SERGEF: variants seen among roughly 807,000 people sequenced by gnomAD.
SERGEF encodes secretion-regulating guanine nucleotide exchange factor.
A neutral mutation model predicts 50.0 loss-of-function variants in SERGEF; 51 were observed. The ratio of observed to expected loss-of-function variants is 1.02; its 90% CI spans 0.81 to 1.29. The LOEUF is 1.29. SERGEF is among the 50% of genes most tolerant of loss of function. The probability of loss-of-function intolerance (pLI) is 0.00; values close to 1 mark genes in which losing one functional copy is unlikely to be tolerated. For synonymous variants in SERGEF, 205 were observed against 212.4 expected (o/e 0.97, Z 0.30); for missense variants, 521 against 557.0 (o/e 0.94, Z 0.65).
At chr11:17,827,821 G>A (rs2158396) in intron 10 of SERGEF, among the ~76,000 whole-genome samples, 77,955 of 152,054 alleles carry the variant, frequency 0.51, 20,542 homozygotes, top group East Asian at 0.85. Flanking sequence ...CACTGAATCT[G>A]TATTTTTCCC....
chr11:17,996,026 T>G, intron 5 of SERGEF, 117 bp from the exon 6 acceptor site: 1 of 734,748 alleles, frequency 1.4e-6, no homozygotes, highest in Non-Finnish European at 2.3e-6. Context: ...AATATGAGTG[T>G]TATGGAGAAG....
chr11:17,834,015 T>A (rs998803995), intron 10 of SERGEF, among the ~76,000 whole-genome samples: 1 of 152,080 alleles, frequency 6.6e-6, no homozygotes, highest in African/African-American at 2.4e-5. Flanking sequence ...GCATGATTGG[T>A]TTTGAAATGT....
intron 9 of SERGEF, among the ~76,000 whole-genome samples, chr11:17,943,233 T>C (rs183231722): frequency 1.8e-4 from 28 of 152,316 alleles, no homozygotes; most frequent in Admixed American, 1.4e-3. Flanking sequence ...AAGTTTTTGA[T>C]AATAAATTGA....
intron 8 of SERGEF, among the ~76,000 whole-genome samples, chr11:17,979,036 C>T (rs1422230832): frequency 6.6e-6 from 1 of 152,230 alleles, no homozygotes; most frequent in Non-Finnish European, 1.5e-5. Flanking sequence ...AACGCTTCAT[C>T]TCTCTAGCAG....
At chr11:17,946,084 G>A (rs560504724) in intron 9 of SERGEF, among the ~76,000 whole-genome samples, 213 of 152,304 alleles carry the variant, frequency 1.4e-3, no homozygotes, top group Non-Finnish European at 2.1e-3. Context: ...TAGAACTTTG[G>A]AAGAACCCTT....
At chr11:17,816,451 T>C (rs1159794538) in intron 10 of SERGEF, among the ~76,000 whole-genome samples, 1 of 152,232 alleles carries the variant, frequency 6.6e-6, no homozygotes, top group Non-Finnish European at 1.5e-5. Flanking sequence ...GGCTGGAACA[T>C]AACATCTGCA....
chr11:17,910,868 G>A (rs1255087497), intron 9 of SERGEF, among the ~76,000 whole-genome samples: 2 of 152,176 alleles, frequency 1.3e-5, no homozygotes, highest in Non-Finnish European at 2.9e-5. Flanking sequence ...ATCAGTGCTG[G>A]GGATAGAGGA....
chr11:17,934,273 A>G (rs988989981), intron 9 of SERGEF, among the ~76,000 whole-genome samples: 26 of 152,202 alleles, frequency 1.7e-4, no homozygotes, highest in African/African-American at 6.3e-4. Context: ...TGCACTCAGC[A>G]AAACAAGAGC....
intron 1 of SERGEF, chr11:18,010,109 AT>A: frequency 7.9e-7 from 1 of 1,260,638 alleles, no homozygotes. Flanking sequence ...GAGAAGTAAA[AT>A]CTTTTAAATA....
chr11:17,972,026 G>C (rs1223340572), intron 8 of SERGEF, among the ~76,000 whole-genome samples: 2 of 152,206 alleles, frequency 1.3e-5, no homozygotes, highest in Non-Finnish European at 2.9e-5. Flanking sequence ...ATTATACGTA[G>C]AGCCTAAAGA....
Position 17,827,481 on chromosome 11 carries a change from G to A in SERGEF, c.1049-39068C>T, listed in dbSNP as rs970487192. Among the ~76,000 whole-genome samples, 8 of 152,310 alleles carry A rather than the reference G, an allele frequency of 5.3e-5. No homozygotes were observed. The East Asian group carries it at 7.7e-4, about 15-fold the overall frequency. ...AATGACACAGGAATAATTAGAGTTCGGTGAGAAGGCTCTGAAATCTGCAGT... is the reference window on the plus strand; with the variant it reads ...AATGACACAGGAATAATTAGAGTTCAGTGAGAAGGCTCTGAAATCTGCAGT... On this transcript the variant is annotated intron_variant, in intron 10 of 10. Transcript: ENST00000265965.
At chr11:17,866,872 GC>G (rs1371199986) in intron 10 of SERGEF, 1 of 152,176 alleles carries the variant, frequency 6.6e-6, no homozygotes, top group African/African-American at 2.4e-5. Context: ...ATGGTGGCAG[GC>G]AAAGAGAGAG....
chr11:17,937,895 T>C (rs1852485230), intron 9 of SERGEF, among the ~76,000 whole-genome samples: 1 of 152,118 alleles, frequency 6.6e-6, no homozygotes, highest in African/African-American at 2.4e-5. Context: ...ACAGGATATG[T>C]TACCCCATCC....
At chr11:17,801,312 G>T (rs1311662838) in intron 10 of SERGEF, among the ~76,000 whole-genome samples, 6 of 152,178 alleles carry the variant, frequency 3.9e-5, no homozygotes, top group Non-Finnish European at 8.8e-5. Flanking sequence ...AGCAGGGAAT[G>T]ACAAATTCTG....
At chr11:17,997,134 C>T (rs1372217651) in intron 5 of SERGEF, among the ~76,000 whole-genome samples, 1 of 152,124 alleles carries the variant, frequency 6.6e-6, no homozygotes, top group Non-Finnish European at 1.5e-5. Context: ...GTGGTGGAGG[C>T]TGCAGTGAGC....
At chr11:17,932,246 A>T (rs1852367466) in intron 9 of SERGEF, among the ~76,000 whole-genome samples, 1 of 152,214 alleles carries the variant, frequency 6.6e-6, no homozygotes, top group Non-Finnish European at 1.5e-5. Flanking sequence ...TCTGCGGCCT[A>T]AGGCCCTAGG....
At chr11:17,817,689 C>A (rs1850004613) in intron 10 of SERGEF, among the ~76,000 whole-genome samples, 1 of 152,194 alleles carries the variant, frequency 6.6e-6, no homozygotes, top group South Asian at 2.1e-4. Flanking sequence ...GGCTCTGTAT[C>A]ATTTAATCCA....
At chr11:17,887,669 G>A (rs925064253) in intron 9 of SERGEF, among the ~76,000 whole-genome samples, 3 of 152,198 alleles carry the variant, frequency 2.0e-5, no homozygotes, top group Non-Finnish European at 4.4e-5. Context: ...ATCTACTAAA[G>A]CTAAACACAT....
At chr11:17,922,804 G>A (rs549970707) in intron 9 of SERGEF, among the ~76,000 whole-genome samples, 41 of 152,258 alleles carry the variant, frequency 2.7e-4, no homozygotes, top group South Asian at 2.5e-3. Flanking sequence ...CATGCACCTG[G>A]CACAATGCAC....
Sources: gnomAD v4.1 joint callset for allele counts (sites outside exome capture counted in the v4.1 genomes callset) on GRCh38, gnomAD v4.1.1 for gene constraint, MANE v1.5 for transcripts, NCBI Gene and HGNC (gene_info 2026-07-23, HGNC 2026-07-21) for gene names.